FCER2: variants seen among roughly 807,000 people sequenced by gnomAD.
The protein encoded by FCER2 is low affinity immunoglobulin epsilon Fc receptor.
Under a neutral mutation model 49.7 loss-of-function variants are expected in FCER2, and 38 were observed. The ratio of observed to expected loss-of-function variants is 0.76; its 90% CI spans 0.59 to 1.00. The LOEUF is 1.00. Among genes scored for constraint, FCER2 ranks in the 50% least tolerant of loss-of-function variants. The pLI, the probability that FCER2 is intolerant of heterozygous loss-of-function variation, is 0.00. For synonymous variants in FCER2, 163 were observed against 164.6 expected (o/e 0.99, Z 0.07); for missense variants, 425 against 419.5 (o/e 1.01, Z -0.11).
Position 7,697,042 on chromosome 19 carries a change from T to C in FCER2, c.350A>G (p.Gln117Arg), listed in dbSNP as rs2033034250. The C allele has an allele frequency of 6.2e-7, 1 of 1,610,982 alleles. No individual in the cohort carries two copies. Among genetic ancestry groups the C allele is most frequent in the Non-Finnish European group, 8.5e-7 (1 of 1,178,592 alleles). ...GGACTTGAAGCTGCTCAGATCTGCT[T>C]GAAGCCCGTTCAGGTTCCAGGACAG... ...LELSWNLNGLQADLSSFKSQE... is the reference protein window; with the variant it reads ...LELSWNLNGLRADLSSFKSQE... Residue 117 changes from glutamine (Q) to arginine (R), a missense_variant, in exon 7 of 11, where the codon CAA (glutamine) becomes CGA (arginine). Coordinates refer to ENST00000597921, the MANE Select transcript of FCER2 (RefSeq NM_001220500.2).
At position 7,688,852 on chromosome 19, in the gene FCER2, G is replaced by A. The variant is rs1315627444; in HGVS notation, c.*341C>T. The A allele has an allele frequency of 3.4e-6, 1 of 295,966 alleles. No individual in the cohort carries two copies. The highest frequency in any genetic ancestry group is 6.3e-6 in the Non-Finnish European group (1 of 157,680). 18.3% of individuals were successfully genotyped at this position (295,966 alleles called of 1,614,324 possible). A position where few individuals can be genotyped will look rare whatever the true frequency, so the allele number is the denominator to read the frequency against. On this transcript the variant is annotated 3_prime_UTR_variant, in exon 11 of 11. Coordinates refer to ENST00000597921, the MANE Select transcript of FCER2 (RefSeq NM_001220500.2). ...CACCACCTGAGCTGGGGATACTCAG[G>A]TCCTGGGGTGCTGAGGAGATGGGGC...
rs35825847 is a variant in FCER2 at position 7,689,398 on chromosome 19, C to T, written c.761G>A (p.Ser254Asn). ...CATCATCACGCAGTCCTCGCCCTGG[C>T]TCCGGCTGGTGGGCTCCCCTGGAGC... Reference protein sequence around the residue: ...NWAPGEPTSRSQGEDCVMMRG... With the variant: ...NWAPGEPTSRNQGEDCVMMRG... Residue 254 changes from serine (S) to asparagine (N), a missense_variant, in exon 11 of 11, where the codon AGC becomes AAC. By Grantham distance (46) the Ser-to-Asn change is conservative. Transcript: ENST00000597921. The T allele has an allele frequency of 6.4e-5, 103 of 1,602,300 alleles. 2 individuals carry two copies. In the African/African-American group the frequency reaches 1.3e-3, roughly 20 times the overall value.
At chr19:7,696,525 C>T (rs539528649) in intron 8 of FCER2, among the ~76,000 whole-genome samples, 16 of 152,208 alleles carry the variant, frequency 1.1e-4, no homozygotes, top group East Asian at 1.9e-4. Flanking sequence ...TGTGAGCCAC[C>T]GCGCCTGGCC....
At chr19:7,698,708 G>C in intron 3 of FCER2, 33 bp downstream of exon 3, 1 of 1,605,138 alleles carries the variant, frequency 6.2e-7, no homozygotes, top group Non-Finnish European at 8.5e-7. Flanking sequence ...CCCATGAGTT[G>C]GGGGGACCAC....
At position 7,694,017 on chromosome 19, in the gene FCER2, C is replaced by G. The variant is rs573168264; in HGVS notation, c.469+2808G>C. Among the ~76,000 whole-genome samples, 14 of 151,476 alleles carry G rather than the reference C, an allele frequency of 9.2e-5. No individual in the cohort carries two copies. The East Asian group carries it at 2.7e-3, about 30-fold the overall frequency. ...ATCTTGCCCAGGCCAGTCTCGAACT[C>G]CTGGGCTCAAGTGATCCTCCTGCCT... is the stretch of plus-strand genomic sequence containing the variant. On this transcript the variant is annotated intron_variant, in intron 8 of 10. Coordinates refer to ENST00000597921, the MANE Select transcript of FCER2 (RefSeq NM_001220500.2).
chr19:7,699,071 G>A (rs2033095206), intron 2 of FCER2, among the ~76,000 whole-genome samples: 1 of 151,954 alleles, frequency 6.6e-6, no homozygotes, highest in Non-Finnish European at 1.5e-5. Context: ...GGGACTAAGA[G>A]CTAAGACTCC....
intron 8 of FCER2, among the ~76,000 whole-genome samples, chr19:7,694,754 A>G (rs2032969907): frequency 6.6e-6 from 1 of 152,120 alleles, no homozygotes; most frequent in Non-Finnish European, 1.5e-5. Flanking sequence ...GGCTTCCCAG[A>G]GGTCAAAGAC....
At chr19:7,690,065 C>T in intron 10 of FCER2, 94 bp downstream of exon 10, 1 of 834,894 alleles carries the variant, frequency 1.2e-6, no homozygotes, top group South Asian at 1.5e-5. Flanking sequence ...TATCTCTGAG[C>T]CCTCATCCGC....
chr19:7,699,558 T>C, intron 2 of FCER2, 181 bp downstream of exon 2: 1 of 1,173,184 alleles, frequency 8.5e-7, no homozygotes. Context: ...TTGCCACTCC[T>C]TCCTGGCTCT....
rs146323730 is a variant in FCER2, at chr19:7,698,171, T to C, written c.190+185A>G. Among the ~76,000 whole-genome samples, 144 of 152,298 alleles carry C rather than the reference T, an allele frequency of 9.5e-4. 1 individual carries two copies. Among genetic ancestry groups the C allele is most frequent in the Non-Finnish European group, 1.6e-3 (106 of 68,024 alleles). On this transcript the variant is annotated intron_variant, in intron 4 of 10. Transcript: ENST00000597921. ...ACCCCATTGCAAGCGGAAGAGCATCTGTATTAGGATGCTATCAGGCACTTT... is the reference window on the plus strand; with the variant it reads ...ACCCCATTGCAAGCGGAAGAGCATCCGTATTAGGATGCTATCAGGCACTTT...
chr19:7,698,821 C>T lies in FCER2; in HGVS notation c.56G>A (p.Arg19Lys). ...CAGCAGCACGATCTGAGTCCCACGC[C>T]TGCAACACCGCCTCCTGGGAAGCTC... ...IEELPRRRCCRRGTQIVLLGL... is the reference protein window; with the variant it reads ...IEELPRRRCCKRGTQIVLLGL... The change falls in exon 3 of 11, where the codon AGG (arginine) becomes AAG (lysine). Residue 19 changes from arginine to lysine, a missense_variant. Arg to Lys is a conservative substitution (Grantham distance 26). Transcript: ENST00000597921. 6.2e-7 allele frequency: 1 copy of T among 1,610,432 alleles called. No individual in the cohort carries two copies. The highest frequency in any genetic ancestry group is 8.5e-7 in the Non-Finnish European group (1 of 1,178,810).
Position 7,697,254 on chromosome 19 carries a change from G to A in FCER2, c.298C>T (p.Gln100Ter). ...QELEELRAEQ[Q>*]RLKSQDLELS... ...CTCTCACCCTGAGATTTCAATCTCTGCTGTTCAGCTCGAAGTTCCTCCAGT... is the reference window on the plus strand; with the variant it reads ...CTCTCACCCTGAGATTTCAATCTCTACTGTTCAGCTCGAAGTTCCTCCAGT... The change falls in exon 6 of 11, where the codon CAG becomes TAG. Residue 100 changes from glutamine (Q) to a stop codon, truncating the protein, a stop_gained. Coordinates refer to ENST00000597921, the MANE Select transcript of FCER2 (RefSeq NM_001220500.2). LOFTEE classifies it high-confidence loss of function. 6.2e-7 allele frequency: 1 copy of A among 1,614,134 alleles called. No homozygotes were observed. The highest frequency in any genetic ancestry group is 8.5e-7 in the Non-Finnish European group (1 of 1,180,012).
intron 10 of FCER2, among the ~76,000 whole-genome samples, chr19:7,689,761 A>T (rs2032807704): frequency 6.6e-6 from 1 of 152,106 alleles, no homozygotes; most frequent in African/African-American, 2.4e-5. Context: ...CTGGGATTAC[A>T]GGCGCCCGCC....
chr19:7,691,124 A>G lies in FCER2; in HGVS notation c.470-567T>C, dbSNP rs76309688. Reference sequence around the variant, plus strand: ...ATGACCACAAACACACTCATGTCCAATAATATTTCAACCATCGTCATAACC... The same window carrying G: ...ATGACCACAAACACACTCATGTCCAGTAATATTTCAACCATCGTCATAACC... On this transcript the variant is annotated intron_variant, in intron 8 of 10. Coordinates refer to ENST00000597921, the MANE Select transcript of FCER2 (RefSeq NM_001220500.2). Among the ~76,000 whole-genome samples, 487 of 138,686 alleles carry G rather than the reference A, an allele frequency of 3.5e-3. 6 individuals carry two copies. The highest frequency in any genetic ancestry group is 5.7e-3 in the African/African-American group (191 of 33,442). 91.0% of individuals were successfully genotyped at this position (138,686 alleles called of 152,430 possible).
Position 7,689,256 on chromosome 19 carries a change from T to C in FCER2, c.903A>G (p.Gly301=). 6.2e-7 allele frequency: 1 copy of C among 1,613,652 alleles called. No individual in the cohort carries two copies. The highest frequency in any genetic ancestry group is 1.1e-5 in the South Asian group (1 of 91,056). The change falls in exon 11 of 11, where the codon GGA becomes GGG. Residue 301 remains glycine, a synonymous_variant. Coordinates refer to ENST00000597921, the MANE Select transcript of FCER2 (RefSeq NM_001220500.2). ...CGTCAGGGTCTGGTCTTGAATCAGGTCCCATGGACTCCGCGGAACCTTCGC... is the reference window on the plus strand; with the variant it reads ...CGTCAGGGTCTGGTCTTGAATCAGGCCCCATGGACTCCGCGGAACCTTCGC... The part of the protein sequence containing the change: ...PASEGSAESM[G]PDSRPDPDGR...
rs769773146 is a variant in FCER2 at position 7,689,204 on chromosome 19, G to A, written c.955C>T (p.Leu319Phe). ...GGCTGTATCCATGCTCAAGAGTGGA[G>A]AGGGGCAGAGGGGGTGGGCAGGCGG... Reference protein sequence around the residue: ...DGRLPTPSAPLHS With the variant: ...DGRLPTPSAPFHS The change falls in exon 11 of 11, where the codon CTC becomes TTC. Residue 319 changes from leucine to phenylalanine, a missense_variant. By Grantham distance (22) the Leu-to-Phe change is conservative (BLOSUM62 0). Transcript: ENST00000597921. 6.2e-7 allele frequency: 1 copy of A among 1,608,926 alleles called. No individual in the cohort carries two copies.
At chr19:7,700,797 G>A (rs1424444159) in intron 1 of FCER2, among the ~76,000 whole-genome samples, 1 of 150,902 alleles carries the variant, frequency 6.6e-6, no homozygotes, top group Non-Finnish European at 1.5e-5. Context: ...ACAGGCGTGA[G>A]CCACTGTGCA....
intron 8 of FCER2, among the ~76,000 whole-genome samples, chr19:7,694,001 A>G (rs1362005203): frequency 1.3e-5 from 2 of 149,738 alleles, no homozygotes; most frequent in Non-Finnish European, 3.0e-5. Flanking sequence ...CATCTTGCCC[A>G]GGCCAGTCTC....
chr19:7,691,349 G>A (rs560261541), intron 8 of FCER2, among the ~76,000 whole-genome samples: 1 of 152,028 alleles, frequency 6.6e-6, no homozygotes, highest in East Asian at 1.9e-4. Context: ...CCACATCACC[G>A]GCTCCACAGC....
Sources: gnomAD v4.1 joint callset for allele counts (sites outside exome capture counted in the v4.1 genomes callset) on GRCh38, gnomAD v4.1.1 for gene constraint, MANE v1.5 for transcripts, NCBI Gene and HGNC (gene_info 2026-07-23, HGNC 2026-07-21) for gene names.